Variants in MEMO1 observed in about 807,000 individuals in gnomAD.
MEMO1 encodes the protein mediator of cell motility 1, also known as protein MEMO1.
In MEMO1, 6 loss-of-function variants were observed where a neutral mutation model predicts 45.2. The observed-to-expected ratio is 0.13, with a 90% CI of 0.07 to 0.26. The LOEUF is 0.26. MEMO1 is among the 10% of genes least tolerant of loss of function. The pLI is 1.00. For missense variants in MEMO1, 184 were observed against 370.5 expected, an observed-to-expected ratio of 0.50 and a Z score of 4.13; for synonymous variants, 78 against 124.3, an observed-to-expected ratio of 0.63 and a Z score of 2.48.
At chr2:31,940,871 G>A (rs944152178) in intron 3 of MEMO1, among the ~76,000 whole-genome samples, 12 of 151,992 alleles carry the variant, frequency 7.9e-5, no homozygotes, top group African/African-American at 2.9e-4. Context: ...TATCTTGTTG[G>A]TCCAACCTTT....
At chr2:31,998,607 T>C (rs541220712) in intron 2 of MEMO1, among the ~76,000 whole-genome samples, 1 of 152,212 alleles carries the variant, frequency 6.6e-6, no homozygotes, top group Non-Finnish European at 1.5e-5. Context: ...GAGACCAACC[T>C]GGCCAACATA....
At chr2:31,906,094 T>G (rs1444212107) in intron 6 of MEMO1, among the ~76,000 whole-genome samples, 1 of 150,852 alleles carries the variant, frequency 6.6e-6, no homozygotes, top group Non-Finnish European at 1.5e-5. Flanking sequence ...TGCCTCAGCC[T>G]CCCGAGTAGC....
chr2:31,885,185 T>C (rs542399203), intron 7 of MEMO1, among the ~76,000 whole-genome samples: 13 of 152,276 alleles, frequency 8.5e-5, no homozygotes, highest in African/African-American at 3.1e-4. Flanking sequence ...AGTGGTGCAA[T>C]CTCAGCTCAC....
intron 3 of MEMO1, among the ~76,000 whole-genome samples, chr2:31,940,541 T>C (rs928509315): frequency 6.6e-6 from 1 of 152,184 alleles, no homozygotes; most frequent in Non-Finnish European, 1.5e-5. Context: ...TAAAACCATG[T>C]CTTAAAAATA....
intron 8 of MEMO1, among the ~76,000 whole-genome samples, chr2:31,881,071 T>C (rs1425353325): frequency 2.0e-5 from 3 of 151,736 alleles, no homozygotes; most frequent in Non-Finnish European, 2.9e-5. Context: ...AAAAATATTA[T>C]GACTACCATG....
chr2:32,004,808 T>C (rs1388807652), intron 2 of MEMO1, among the ~76,000 whole-genome samples: 2 of 151,676 alleles, frequency 1.3e-5, no homozygotes, highest in East Asian at 3.9e-4. Context: ...ATACCTGTAA[T>C]CCCAGCTACT....
chr2:31,976,103 C>T (rs1420440147), intron 2 of MEMO1, among the ~76,000 whole-genome samples: 1 of 152,036 alleles, frequency 6.6e-6, no homozygotes, highest in Non-Finnish European at 1.5e-5. Context: ...GAGATTAGTA[C>T]TCCACAACTG....
intron 6 of MEMO1, among the ~76,000 whole-genome samples, chr2:31,894,912 G>C (rs967462335): frequency 3.9e-5 from 6 of 152,104 alleles, no homozygotes; most frequent in African/African-American, 1.4e-4. Context: ...CCCAGCAGAG[G>C]GTGAAAGTCT....
chr2:31,897,433 T>C (rs1423857705), intron 6 of MEMO1, among the ~76,000 whole-genome samples: 3 of 152,224 alleles, frequency 2.0e-5, no homozygotes, highest in Admixed American at 6.5e-5. Flanking sequence ...TGAAGCGGTA[T>C]TGAATTTTAT....
chr2:31,965,277 GAGAAGGGAAGGGA>G lies in MEMO1; in HGVS notation c.62-21907_62-21895del, dbSNP rs1668478680. On this transcript the variant is annotated intron_variant, in intron 2 of 9. Coordinates refer to ENST00000404530, the MANE Select transcript of MEMO1 (RefSeq NM_001301833.4). ...GAAAAAAGGGAGGGAAGGAAGGGAAGAGAAGGGAAGGGAAGAAGGGAAGGAGGGAAGGAGGGAC... is the reference window on the plus strand; with the variant it reads ...GAAAAAAGGGAGGGAAGGAAGGGAAGAGAAGGGAAGGAGGGAAGGAGGGAC... Among the ~76,000 whole-genome samples, 8 of 151,416 alleles carry G rather than the reference GAGAAGGGAAGGGA, an allele frequency of 5.3e-5. No homozygotes were observed. The South Asian group carries it at 1.7e-3, about 32-fold the overall frequency.
At chr2:31,948,427 A>G (rs886401189) in intron 2 of MEMO1, among the ~76,000 whole-genome samples, 2 of 152,240 alleles carry the variant, frequency 1.3e-5, no homozygotes, top group African/African-American at 2.4e-5. Context: ...CAACACATAA[A>G]AAGCCAAATA....
At chr2:32,000,431 C>T (rs572838944) in intron 2 of MEMO1, among the ~76,000 whole-genome samples, 7 of 152,026 alleles carry the variant, frequency 4.6e-5, no homozygotes, top group Non-Finnish European at 5.9e-5. Flanking sequence ...GGGGTTTCAC[C>T]GTGTTAGCCA....
chr2:31,992,823 C>T (rs534300066), intron 2 of MEMO1, among the ~76,000 whole-genome samples: 9 of 151,792 alleles, frequency 5.9e-5, no homozygotes, highest in Admixed American at 2.0e-4. Flanking sequence ...TAATAAGGAG[C>T]ATTTATAGAG....
intron 2 of MEMO1, among the ~76,000 whole-genome samples, chr2:32,003,407 G>T (rs1194207982): frequency 6.6e-6 from 1 of 152,048 alleles, no homozygotes; most frequent in African/African-American, 2.4e-5. Flanking sequence ...ACCACTATTT[G>T]CCAAGGGAAA....
chr2:31,905,331 A>G (rs537649489), intron 6 of MEMO1, among the ~76,000 whole-genome samples: 23 of 152,352 alleles, frequency 1.5e-4, no homozygotes, highest in Admixed American at 5.9e-4. Flanking sequence ...CTAGCTGTCA[A>G]TGACTGAACT....
chr2:31,917,517 C>A (rs1338503875), intron 6 of MEMO1, among the ~76,000 whole-genome samples: 1 of 152,018 alleles, frequency 6.6e-6, no homozygotes, highest in East Asian at 1.9e-4. Context: ...ATTCATGTAC[C>A]TTGCACAAGG....
At chr2:31,966,832 T>C (rs1287922890) in intron 2 of MEMO1, among the ~76,000 whole-genome samples, 1 of 152,130 alleles carries the variant, frequency 6.6e-6, no homozygotes, top group Non-Finnish European at 1.5e-5. Context: ...ACTGCCACAT[T>C]TGTAAATGAT....
intron 6 of MEMO1, among the ~76,000 whole-genome samples, chr2:31,895,495 G>C (rs1019693411): frequency 3.9e-5 from 6 of 152,140 alleles, no homozygotes; most frequent in Admixed American, 1.3e-4. Context: ...AAATTCAAAT[G>C]AGTTCACCAG....
At chr2:31,979,074 G>A (rs1310822885) in intron 2 of MEMO1, among the ~76,000 whole-genome samples, 1 of 152,152 alleles carries the variant, frequency 6.6e-6, no homozygotes, top group Non-Finnish European at 1.5e-5. Context: ...ACATGGCTGG[G>A]GAGGTGGCAG....
Sources: gnomAD v4.1 joint callset for allele counts (sites outside exome capture counted in the v4.1 genomes callset) on GRCh38, gnomAD v4.1.1 for gene constraint, MANE v1.5 for transcripts, NCBI Gene and HGNC (gene_info 2026-07-23, HGNC 2026-07-21) for gene names.